IL1RL2: variants seen among roughly 807,000 people sequenced by gnomAD.
The protein encoded by IL1RL2 is interleukin 1 receptor like 2.
A neutral mutation model predicts 66.8 loss-of-function variants in IL1RL2; 68 were observed. That is an observed-to-expected ratio of 1.02 (90% CI 0.84 to 1.25). IL1RL2 has a LOEUF of 1.25. Ranked by LOEUF, IL1RL2 falls within the 50% of genes most tolerant of loss-of-function variation. The pLI is 0.00. For synonymous variants in IL1RL2, 305 were observed against 264.6 expected, an observed-to-expected ratio of 1.15 and a Z score of -1.48; for missense variants, 729 against 709.3, an observed-to-expected ratio of 1.03 and a Z score of -0.32.
chr2:102,217,853 T>C (rs557024147), intron 6 of IL1RL2, among the ~76,000 whole-genome samples: 1 of 152,252 alleles, frequency 6.6e-6, no homozygotes, highest in Non-Finnish European at 1.5e-5. Context: ...GAGGAATTGC[T>C]CATGACATTG....
chr2:102,231,428 G>T (rs1691117653), intron 9 of IL1RL2, among the ~76,000 whole-genome samples: 1 of 152,188 alleles, frequency 6.6e-6, no homozygotes. Flanking sequence ...AACCTGTGAG[G>T]TGGAGGTTGC....
chr2:102,220,506 T>A (rs1690012332), intron 8 of IL1RL2, among the ~76,000 whole-genome samples: 1 of 152,160 alleles, frequency 6.6e-6, no homozygotes, highest in Admixed American at 6.5e-5. Flanking sequence ...CAGAACTAAT[T>A]GATTATGCAT....
intron 6 of IL1RL2, among the ~76,000 whole-genome samples, chr2:102,213,392 C>A (rs1689345275): frequency 6.6e-6 from 1 of 152,056 alleles, no homozygotes. Flanking sequence ...ATAAAATAAT[C>A]GCACTTAATA....
chr2:102,192,032 A>T lies in IL1RL2; in HGVS notation c.401A>T (p.Gln134Leu). 1 of 1,613,100 alleles carries T rather than the reference A, an allele frequency of 6.2e-7. No homozygotes were observed. Among genetic ancestry groups the T allele is most frequent in the Non-Finnish European group, 8.5e-7 (1 of 1,179,614 alleles). ...GLPNLSDEYK[Q>L]ILHLGKDDSL... Reference sequence around the variant, plus strand: ...CCAAATTTATCAGATGAGTACAAGCAAATATTACATCTTGGAAAAGATGAT... The same window carrying T: ...CCAAATTTATCAGATGAGTACAAGCTAATATTACATCTTGGAAAAGATGAT... Residue 134 changes from glutamine to leucine, a missense_variant, in exon 4 of 12, where the codon CAA becomes CTA. Gln to Leu is a moderately radical substitution (Grantham distance 113). Transcript: ENST00000264257.
intron 9 of IL1RL2, among the ~76,000 whole-genome samples, chr2:102,232,705 G>A (rs749776042): frequency 3.6e-4 from 55 of 152,258 alleles, no homozygotes; most frequent in South Asian, 2.5e-3. Context: ...TAGGGTTAGG[G>A]ATTGCAGATG....
chr2:102,187,463 G>A, intron 1 of IL1RL2: 2 of 971,530 alleles, frequency 2.1e-6, no homozygotes, highest in Non-Finnish European at 2.6e-6. Flanking sequence ...CCGCGAGCGG[G>A]GTTGGGGTCC....
chr2:102,189,034 T>A, intron 2 of IL1RL2, 42 bp from the exon 3 acceptor site: 1 of 1,478,730 alleles, frequency 6.8e-7, no homozygotes, highest in African/African-American at 1.4e-5. Context: ...ACTGAAGTTT[T>A]CTTTCATGGA....
At chr2:102,232,087 A>G (rs892148277) in intron 9 of IL1RL2, among the ~76,000 whole-genome samples, 1 of 149,196 alleles carries the variant, frequency 6.7e-6, no homozygotes. Context: ...CAGTGGCGTG[A>G]TCATAGCTCA....
At chr2:102,236,061 CA>C in intron 11 of IL1RL2, 1 of 565,100 alleles carries the variant, frequency 1.8e-6, no homozygotes, top group African/African-American at 2.0e-5. Context: ...ATAGTCCAAG[CA>C]AGGCAAAGTC....
At chr2:102,205,767 G>T (rs1688650375) in intron 5 of IL1RL2, among the ~76,000 whole-genome samples, 1 of 152,126 alleles carries the variant, frequency 6.6e-6, no homozygotes, top group South Asian at 2.1e-4. Context: ...TTTGGGGACT[G>T]ATATCTTTCT....
In IL1RL2 at chr2:102,187,885, C is replaced by A; in HGVS notation, c.18C>A (p.Leu6=). The part of the protein sequence containing the change: MWSLL[L]CGLSIALPLS... ...GTTTGGGGATGTGGTCCTTGCTGCTCTGCGGGTTGTCCATCGCCCTTCCAC... is the reference window on the plus strand; with the variant it reads ...GTTTGGGGATGTGGTCCTTGCTGCTATGCGGGTTGTCCATCGCCCTTCCAC... Residue 6 remains leucine (L), a synonymous_variant, in exon 2 of 12, where the codon CTC becomes CTA. Transcript: ENST00000264257. The A allele has an allele frequency of 6.2e-7, 1 of 1,614,034 alleles. No individual in the cohort carries two copies. Among genetic ancestry groups the A allele is most frequent in the South Asian group, 1.1e-5 (1 of 91,082 alleles).
Position 102,219,914 on chromosome 2 carries a change from C to T in IL1RL2, c.888C>T (p.Tyr296=). ...TCTCTTTTCGGGAACATAATTTGTA[C>T]ACAGTAAACATCACCTTCTTGGAAG... ...THVSFREHNL[Y]TVNITFLEVK... is the part of the protein sequence containing the mutation. The change falls in exon 8 of 12, where the codon TAC becomes TAT. Residue 296 remains tyrosine (Y), a synonymous_variant. Coordinates refer to ENST00000264257, the MANE Select transcript of IL1RL2 (RefSeq NM_003854.4). 1 of 1,613,242 alleles carries T rather than the reference C, an allele frequency of 6.2e-7. No individual in the cohort carries two copies. The highest frequency in any genetic ancestry group is 8.5e-7 in the Non-Finnish European group (1 of 1,179,274).
At position 102,232,712 on chromosome 2, in the gene IL1RL2, G is replaced by A. The variant is rs994948934; in HGVS notation, c.1136-251G>A. ...GGTAGGGGTAGGGTTAGGGATTGCA[G>A]ATGTGATGCAGCCTACCCAGCCTCA... On this transcript the variant is annotated intron_variant, in intron 9 of 11. Coordinates refer to ENST00000264257, the MANE Select transcript of IL1RL2 (RefSeq NM_003854.4). Among the ~76,000 whole-genome samples the A allele has an allele frequency of 3.9e-4, 59 of 152,148 alleles. 1 individual carries two copies. The highest frequency in any genetic ancestry group is 4.4e-5 in the Non-Finnish European group (3 of 68,028).
chr2:102,211,866 T>C (rs1178979587), intron 5 of IL1RL2, among the ~76,000 whole-genome samples: 1 of 152,200 alleles, frequency 6.6e-6, no homozygotes, highest in African/African-American at 2.4e-5. Context: ...GTTTATGGTT[T>C]ATACCAAAAT....
rs778637368 is a variant in IL1RL2, at chr2:102,234,923, G to A, written c.1324G>A (p.Val442Ile). The change falls in exon 11 of 12, where the codon GTT (valine) becomes ATT (isoleucine). Residue 442 changes from valine to isoleucine, a missense_variant. Coordinates refer to ENST00000264257, the MANE Select transcript of IL1RL2 (RefSeq NM_003854.4). The stretch of plus-strand genomic sequence containing the variant: ...CGTGGCCAATGTCATCGATGAAAAC[G>A]TTAAGCTGTGCAGGAGGCTGATTGT... Reference protein sequence around the residue: ...QAVANVIDENVKLCRRLIVIV... With the variant: ...QAVANVIDENIKLCRRLIVIV... 2.6e-5 allele frequency: 42 copies of A among 1,613,722 alleles called. No individual in the cohort carries two copies. Among genetic ancestry groups the A allele is most frequent in the East Asian group, 2.2e-5 (1 of 44,886 alleles).
chr2:102,212,791 A>C (rs1047010434), intron 6 of IL1RL2, among the ~76,000 whole-genome samples: 1 of 152,090 alleles, frequency 6.6e-6, no homozygotes, highest in Non-Finnish European at 1.5e-5. Flanking sequence ...ACACGGTGAA[A>C]ACCTGTCTTT....
At chr2:102,224,118 C>T (rs1690389446) in intron 8 of IL1RL2, among the ~76,000 whole-genome samples, 1 of 152,180 alleles carries the variant, frequency 6.6e-6, no homozygotes, top group African/African-American at 2.4e-5. Flanking sequence ...GCAATAAGCT[C>T]TTTAATGAGT....
chr2:102,233,177 C>T, intron 10 of IL1RL2, 53 bp downstream of exon 10: 5 of 1,529,518 alleles, frequency 3.3e-6, no homozygotes, highest in Non-Finnish European at 4.5e-6. Flanking sequence ...AAAGCGACCC[C>T]TCTGTTCCTC....
At position 102,201,652 on chromosome 2, in the gene IL1RL2, C is replaced by G. The variant is rs748198462; in HGVS notation, c.586C>G (p.Gln196Glu). The part of the protein sequence containing the change: ...SAEDRGNYAC[Q>E]AILTHSGKQY... Reference sequence around the variant, plus strand: ...AGAGGACAGAGGGAACTACGCGTGTCAAGCCATACTGACACACTCAGGGAA... The same window carrying G: ...AGAGGACAGAGGGAACTACGCGTGTGAAGCCATACTGACACACTCAGGGAA... The change falls in exon 5 of 12, where the codon CAA (glutamine) becomes GAA (glutamate). Residue 196 changes from glutamine (Q) to glutamate (E), a missense_variant. Physicochemically the swap from Gln to Glu is conservative, Grantham distance 29. Coordinates refer to ENST00000264257, the MANE Select transcript of IL1RL2 (RefSeq NM_003854.4). 1.2e-6 allele frequency: 2 copies of G among 1,614,006 alleles called. No homozygotes were observed.
Sources: gnomAD v4.1 joint callset for allele counts (sites outside exome capture counted in the v4.1 genomes callset) on GRCh38, gnomAD v4.1.1 for gene constraint, MANE v1.5 for transcripts, NCBI Gene and HGNC (gene_info 2026-07-23, HGNC 2026-07-21) for gene names.